SMG7: variants seen among roughly 807,000 people sequenced by gnomAD.
SMG7 encodes the protein nonsense-mediated mRNA decay factor SMG7.
A neutral mutation model predicts 148.2 loss-of-function variants in SMG7; 34 were observed. That is an observed-to-expected ratio of 0.23 (90% CI 0.17 to 0.31). SMG7 has a LOEUF of 0.31. Among genes scored for constraint, SMG7 ranks in the 10% least tolerant of loss-of-function variants. The pLI, the probability that SMG7 is intolerant of heterozygous loss-of-function variation, is 1.00. For missense variants in SMG7, 1,114 were observed against 1,408.4 expected (o/e 0.79, Z 3.35); for synonymous variants, 492 against 515.1 (o/e 0.96, Z 0.61).
chr1:183,523,494 A>C (rs1048316250), intron 4 of SMG7, among the ~76,000 whole-genome samples: 10 of 152,250 alleles, frequency 6.6e-5, no homozygotes, highest in Non-Finnish European at 1.5e-4. Flanking sequence ...CTCCCAGTCA[A>C]TACTTCTGTA....
chr1:183,545,282 A>G lies in SMG7; in HGVS notation c.2340A>G (p.Lys780=), dbSNP rs978757599. 1 of 1,611,732 alleles carries G rather than the reference A, an allele frequency of 6.2e-7. No individual in the cohort carries two copies. The highest frequency in any genetic ancestry group is 8.5e-7 in the Non-Finnish European group (1 of 1,179,972). The change falls in exon 16 of 23, where the codon AAA becomes AAG. Residue 780 remains lysine, a synonymous_variant. Transcript: ENST00000688051. ...SPTKAVPALG[K]SPPHHSGFQQ... is the part of the protein sequence containing the mutation. ...CAAAAGCTGTGCCGGCTTTGGGGAA[A>G]AGCCCGCCTCACCACTCTGGATTCC...
intron 20 of SMG7, among the ~76,000 whole-genome samples, chr1:183,550,302 T>C (rs1343200677): frequency 1.3e-5 from 2 of 152,180 alleles, no homozygotes; most frequent in Admixed American, 6.5e-5. Flanking sequence ...ACTCCTGGGC[T>C]CAAGCAGTCC....
chr1:183,485,149 C>A (rs1363557807), intron 1 of SMG7, among the ~76,000 whole-genome samples: 1 of 152,190 alleles, frequency 6.6e-6, no homozygotes, highest in African/African-American at 2.4e-5. Context: ...GCATAGGAGA[C>A]ATACATGCAG....
rs138687704 is a variant in SMG7, at chr1:183,546,058, C to T, written c.2463C>T (p.Tyr821=). Residue 821 remains tyrosine (Y), a synonymous_variant, in exon 17 of 23, where the codon TAC becomes TAT. Coordinates refer to ENST00000688051, the MANE Select transcript of SMG7 (RefSeq NM_001375584.1). ...GKIMPVKQPY[Y]LQTQDPIKLF... is the part of the protein sequence containing the mutation. Reference sequence around the variant, plus strand: ...TTATGCCTGTGAAACAGCCCTACTACCTTCAGACCCAAGACCCCATAAAAC... The same window carrying T: ...TTATGCCTGTGAAACAGCCCTACTATCTTCAGACCCAAGACCCCATAAAAC... 1.7e-5 allele frequency: 28 copies of T among 1,614,064 alleles called. No homozygotes were observed. In the East Asian group the frequency reaches 6.0e-4, roughly 35 times the overall value.
At chr1:183,543,073 T>A (rs1478296638) in intron 14 of SMG7, among the ~76,000 whole-genome samples, 2 of 151,964 alleles carry the variant, frequency 1.3e-5, no homozygotes, top group Non-Finnish European at 1.5e-5. Flanking sequence ...TCCTGGGAAT[T>A]TATAAAGGAA....
intron 1 of SMG7, among the ~76,000 whole-genome samples, chr1:183,483,153 C>T (rs1271176984): frequency 2.0e-5 from 3 of 152,080 alleles, no homozygotes; most frequent in Non-Finnish European, 4.4e-5. Flanking sequence ...TGCTATATTG[C>T]ATTAATATTC....
intron 1 of SMG7, among the ~76,000 whole-genome samples, chr1:183,477,582 A>G (rs1215678564): frequency 7.4e-6 from 1 of 134,300 alleles, no homozygotes; most frequent in African/African-American, 2.8e-5. Context: ...ATGCATATAT[A>G]CGTGTGTGCA....
chr1:183,544,805 C>A, intron 15 of SMG7, 125 bp from the exon 16 acceptor site: 6 of 1,000,462 alleles, frequency 6.0e-6, no homozygotes, highest in Non-Finnish European at 8.9e-6. Context: ...AGATTGACAA[C>A]ATGACTAATC....
intron 1 of SMG7, among the ~76,000 whole-genome samples, chr1:183,507,772 A>G (rs889326763): frequency 1.3e-5 from 2 of 152,196 alleles, no homozygotes; most frequent in Non-Finnish European, 2.9e-5. Context: ...AAATGTATTT[A>G]TAGATGTTGA....
Position 183,541,045 on chromosome 1 carries a change from C to A in SMG7, c.1357C>A (p.Arg453=). The change falls in exon 13 of 23, where the codon CGA becomes AGA. Residue 453 remains arginine (R), a synonymous_variant. Transcript: ENST00000688051. ...AGGGGACAAAGAAGGCCAGCAACGACGAATACGACAGCAACGCTTGATCTC... is the reference window on the plus strand; with the variant it reads ...AGGGGACAAAGAAGGCCAGCAACGAAGAATACGACAGCAACGCTTGATCTC... The part of the protein sequence containing the change: ...ITGDKEGQQR[R]IRQQRLISIG... 1.2e-6 allele frequency: 2 copies of A among 1,613,426 alleles called. No individual in the cohort carries two copies. The highest frequency in any genetic ancestry group is 1.7e-6 in the Non-Finnish European group (2 of 1,179,370).
chr1:183,486,287 G>A (rs1216528137), intron 1 of SMG7, among the ~76,000 whole-genome samples: 1 of 152,212 alleles, frequency 6.6e-6, no homozygotes, highest in East Asian at 1.9e-4. Flanking sequence ...CAGAGTAATT[G>A]ACATATTCAG....
intron 3 of SMG7, chr1:183,516,211 G>A: frequency 2.4e-6 from 1 of 414,274 alleles, no homozygotes; most frequent in Non-Finnish European, 4.3e-6. Flanking sequence ...ATTCTATTAA[G>A]GTCATTACGG....
At chr1:183,507,197 A>G (rs1178120833) in intron 1 of SMG7, among the ~76,000 whole-genome samples, 1 of 152,140 alleles carries the variant, frequency 6.6e-6, no homozygotes, top group Non-Finnish European at 1.5e-5. Flanking sequence ...ATATTCTTAA[A>G]AGAGATTATC....
intron 1 of SMG7, among the ~76,000 whole-genome samples, chr1:183,502,564 C>T (rs951401442): frequency 1.3e-5 from 2 of 152,074 alleles, no homozygotes; most frequent in Non-Finnish European, 2.9e-5. Context: ...TCTTGAGAAC[C>T]TTGGCTTATG....
rs1055325238 is a variant in SMG7 at position 183,542,615 on chromosome 1, T to G, written c.1842+113T>G. 1.1e-5 allele frequency: 9 copies of G among 784,536 alleles called. No individual in the cohort carries two copies. In the South Asian group the frequency reaches 1.7e-4, roughly 15 times the overall value. The allele number at this position is 784,536 out of a possible 1,614,324, so 48.6% of individuals were successfully genotyped here. ...GGCCGTCCTGGAAGTTTAAATGCATTATTTAATTGCATAGTAAGGTTATAT... is the reference window on the plus strand; with the variant it reads ...GGCCGTCCTGGAAGTTTAAATGCATGATTTAATTGCATAGTAAGGTTATAT... On this transcript the variant is annotated intron_variant, in intron 14 of 22. Transcript: ENST00000688051.
intron 1 of SMG7, among the ~76,000 whole-genome samples, chr1:183,497,215 G>C (rs1658695168): frequency 6.6e-6 from 1 of 152,198 alleles, no homozygotes; most frequent in Non-Finnish European, 1.5e-5. Context: ...AGTTAAGTCT[G>C]ACCTGCATAG....
At chr1:183,474,926 G>A (rs554611392) in intron 1 of SMG7, among the ~76,000 whole-genome samples, 1 of 152,336 alleles carries the variant, frequency 6.6e-6, no homozygotes, top group African/African-American at 2.4e-5. Flanking sequence ...AGGGAAGCTG[G>A]GGGGAAGGGA....
chr1:183,507,962 A>G (rs902081738), intron 1 of SMG7, among the ~76,000 whole-genome samples: 26 of 152,018 alleles, frequency 1.7e-4, no homozygotes, highest in African/African-American at 6.3e-4. Context: ...GCTATGTTTA[A>G]TAGTGTTATT....
At chr1:183,530,500 G>T (rs906237191) in intron 8 of SMG7, among the ~76,000 whole-genome samples, 7 of 152,116 alleles carry the variant, frequency 4.6e-5, no homozygotes, top group African/African-American at 1.7e-4. Context: ...GATGTATAAG[G>T]TTGGGTGTGT....
Sources: gnomAD v4.1 joint callset for allele counts (sites outside exome capture counted in the v4.1 genomes callset) on GRCh38, gnomAD v4.1.1 for gene constraint, MANE v1.5 for transcripts, NCBI Gene and HGNC (gene_info 2026-07-23, HGNC 2026-07-21) for gene names.